Variants in MBD5 observed in about 807,000 individuals in gnomAD.
MBD5 encodes methyl-CpG-binding domain protein 5.
A neutral mutation model predicts 117.3 loss-of-function variants in MBD5; 13 were observed. That is an observed-to-expected ratio of 0.11 (90% CI 0.07 to 0.18). The LOEUF (loss-of-function observed/expected upper bound fraction) is 0.18, where lower values mean the gene tolerates loss of function less well. MBD5 is among the 10% of genes least tolerant of loss of function. The pLI is 1.00. For missense variants in MBD5, 1,879 were observed against 2,093.8 expected (o/e 0.90, Z 2.00); for synonymous variants, 727 against 766.4 (o/e 0.95, Z 0.85).
chr2:148,304,363 C>T (rs988238416), intron 3 of MBD5, among the ~76,000 whole-genome samples: 1 of 151,958 alleles, frequency 6.6e-6, no homozygotes, highest in Admixed American at 6.6e-5. Context: ...TAATCCCAGG[C>T]GTTCTGGCAC....
chr2:148,304,852 G>T (rs975313000), intron 3 of MBD5, among the ~76,000 whole-genome samples: 35 of 152,092 alleles, frequency 2.3e-4, no homozygotes, highest in Admixed American at 2.2e-3. Flanking sequence ...CACTAGGTCA[G>T]GATATCGAGA....
chr2:148,446,584 A>G (rs868584243), intron 4 of MBD5, among the ~76,000 whole-genome samples: 17 of 134,750 alleles, frequency 1.3e-4, no homozygotes, highest in Non-Finnish European at 2.1e-4. Context: ...AAATTAATTT[A>G]CATACCAGAT....
chr2:148,390,834 AT>A (rs1357653428), intron 4 of MBD5, among the ~76,000 whole-genome samples: 1 of 152,120 alleles, frequency 6.6e-6, no homozygotes, highest in Non-Finnish European at 1.5e-5. Context: ...GTGCTGGGAA[AT>A]CAGGCGTGAG....
intron 1 of MBD5, among the ~76,000 whole-genome samples, chr2:148,160,012 T>C (rs1697967923): frequency 6.6e-6 from 1 of 152,172 alleles, no homozygotes; most frequent in African/African-American, 2.4e-5. Flanking sequence ...GTTCTGAAAG[T>C]GTGTGATGCA....
At chr2:148,081,254 G>T (rs1330808288) in intron 1 of MBD5, among the ~76,000 whole-genome samples, 5 of 152,094 alleles carry the variant, frequency 3.3e-5, no homozygotes, top group African/African-American at 1.2e-4. Flanking sequence ...AAAGTACAAA[G>T]GTAGGGTTCT....
At chr2:148,164,741 A>T (rs374806698) in intron 1 of MBD5, among the ~76,000 whole-genome samples, 1 of 152,074 alleles carries the variant, frequency 6.6e-6, no homozygotes, top group Non-Finnish European at 1.5e-5. Flanking sequence ...TGATTGTTTC[A>T]GTTCATTTCC....
intron 3 of MBD5, among the ~76,000 whole-genome samples, chr2:148,326,563 G>T (rs1255959699): frequency 3.3e-5 from 5 of 152,106 alleles, no homozygotes; most frequent in Admixed American, 6.6e-5. Flanking sequence ...GCTTTTCTTG[G>T]TGAATTGATC....
intron 1 of MBD5, among the ~76,000 whole-genome samples, chr2:148,153,776 G>A (rs1340132200): frequency 2.1e-5 from 3 of 141,898 alleles, no homozygotes; most frequent in African/African-American, 7.8e-5. Context: ...CTCGAGCCTT[G>A]GTTTTCAGCT....
At chr2:148,490,677 CTTTGGATTT>C in intron 11 of MBD5, 83 bp downstream of exon 11, 1 of 1,549,626 alleles carries the variant, frequency 6.5e-7, no homozygotes, top group Non-Finnish European at 8.8e-7. Flanking sequence ...ACTTTGGATT[CTTTGGATTT>C]GAAATTAGGA....
At chr2:148,196,889 T>C (rs1699002809) in intron 2 of MBD5, among the ~76,000 whole-genome samples, 1 of 151,994 alleles carries the variant, frequency 6.6e-6, no homozygotes, top group African/African-American at 2.4e-5. Context: ...CTGTATGTAA[T>C]ATAGATTGTA....
At chr2:148,068,230 AT>A (rs1695258716) in intron 1 of MBD5, among the ~76,000 whole-genome samples, 1 of 152,208 alleles carries the variant, frequency 6.6e-6, no homozygotes, top group African/African-American at 2.4e-5. Context: ...CTAGATAGCT[AT>A]GTGAACCACT....
intron 1 of MBD5, among the ~76,000 whole-genome samples, chr2:148,159,100 A>T (rs964312229): frequency 6.6e-6 from 1 of 152,220 alleles, no homozygotes; most frequent in African/African-American, 2.4e-5. Flanking sequence ...ATGGAGAAAC[A>T]AAAAGGGCCA....
chr2:148,200,854 G>T (rs1436197250), intron 2 of MBD5, among the ~76,000 whole-genome samples: 1 of 152,010 alleles, frequency 6.6e-6, no homozygotes, highest in Non-Finnish European at 1.5e-5. Flanking sequence ...GTTGGCCTTT[G>T]TATACTTTAT....
chr2:148,168,706 A>G (rs1698185954), intron 1 of MBD5, among the ~76,000 whole-genome samples: 1 of 152,022 alleles, frequency 6.6e-6, no homozygotes, highest in African/African-American at 2.4e-5. Flanking sequence ...TTGCGCTATT[A>G]CACTCCAGCC....
At chr2:148,508,163 C>T (rs1682100281) in intron 12 of MBD5, among the ~76,000 whole-genome samples, 1 of 152,200 alleles carries the variant, frequency 6.6e-6, no homozygotes, top group African/African-American at 2.4e-5. Flanking sequence ...TTGCAGAGTG[C>T]TCCCAGGAGC....
chr2:148,387,834 A>G (rs990579019), intron 4 of MBD5, among the ~76,000 whole-genome samples: 7 of 152,148 alleles, frequency 4.6e-5, no homozygotes, highest in Admixed American at 4.6e-4. Flanking sequence ...CTATGAAAAA[A>G]CTATAGACTT....
chr2:148,419,456 T>C (rs1705529330), intron 4 of MBD5, among the ~76,000 whole-genome samples: 1 of 152,170 alleles, frequency 6.6e-6, no homozygotes, highest in African/African-American at 2.4e-5. Context: ...TGCATTTCTG[T>C]GAATTTTATG....
chr2:148,217,689 C>CTCTCTGA (rs1699589580), intron 2 of MBD5, among the ~76,000 whole-genome samples: 1 of 152,170 alleles, frequency 6.6e-6, no homozygotes, highest in South Asian at 2.1e-4. Flanking sequence ...TTCTGTATGA[C>CTCTCTGA]TGGGGCGTAC....
intron 1 of MBD5, among the ~76,000 whole-genome samples, chr2:148,110,165 A>T (rs1372961253): frequency 1.3e-5 from 2 of 152,208 alleles, no homozygotes; most frequent in Non-Finnish European, 2.9e-5. Context: ...TCTTGGAATA[A>T]TTCTATGAGT....
Sources: allele counts gnomAD v4.1 joint callset (sites outside exome capture counted in the v4.1 genomes callset), GRCh38; gene constraint gnomAD v4.1.1; transcripts MANE v1.5; gene names NCBI Gene and HGNC (gene_info 2026-07-23, HGNC 2026-07-21).